Variants in SLC2A13 observed in about 807,000 individuals in gnomAD.
SLC2A13 encodes proton myo-inositol cotransporter.
SLC2A13 carries 32 observed loss-of-function variants against 64.4 expected under a neutral mutation model. That is an observed-to-expected ratio of 0.50 (90% CI 0.37 to 0.67). The LOEUF is 0.67. Among genes scored for constraint, SLC2A13 ranks in the 30% least tolerant of loss-of-function variants. SLC2A13 has a pLI of 0.00. For synonymous variants in SLC2A13, 338 were observed against 327.1 expected (o/e 1.03, Z -0.36); for missense variants, 743 against 829.2 (o/e 0.90, Z 1.28).
chr12:39,868,643 A>G (rs1318668802), intron 5 of SLC2A13, among the ~76,000 whole-genome samples: 1 of 152,190 alleles, frequency 6.6e-6, no homozygotes, highest in African/African-American at 2.4e-5. Flanking sequence ...ACCAAAATAC[A>G]TGAGGGGGGA....
At chr12:39,872,058 AAGG>A (rs1944070972) in intron 4 of SLC2A13, 97 bp from the exon 5 acceptor site, 5 of 1,027,642 alleles carry the variant, frequency 4.9e-6, no homozygotes, top group East Asian at 3.0e-5. Flanking sequence ...AAAAAAATAT[AAGG>A]AGAACTACAG....
chr12:39,890,630 C>A (rs913962963), intron 4 of SLC2A13, among the ~76,000 whole-genome samples: 3 of 151,756 alleles, frequency 2.0e-5, no homozygotes, highest in Non-Finnish European at 4.4e-5. Flanking sequence ...TTAAGGTTTT[C>A]TTTTATTTTT....
chr12:39,803,482 TAA>T (rs1941871691), intron 7 of SLC2A13, among the ~76,000 whole-genome samples: 1 of 151,868 alleles, frequency 6.6e-6, no homozygotes, highest in African/African-American at 2.4e-5. Flanking sequence ...TGTAAAAAAT[TAA>T]AAAATAGCTA....
intron 4 of SLC2A13, among the ~76,000 whole-genome samples, chr12:39,930,216 T>G (rs1057215461): frequency 2.6e-5 from 4 of 151,612 alleles, no homozygotes; most frequent in Admixed American, 6.6e-5. Context: ...CTGGTATAAC[T>G]GTATGAGCCA....
At chr12:40,054,299 A>C (rs1225742785) in intron 1 of SLC2A13, among the ~76,000 whole-genome samples, 1 of 152,146 alleles carries the variant, frequency 6.6e-6, no homozygotes, top group African/African-American at 2.4e-5. Context: ...AAATATTTAA[A>C]GTTCAGGAGA....
chr12:39,923,215 T>C (rs11174292), intron 4 of SLC2A13, among the ~76,000 whole-genome samples: 4 of 151,692 alleles, frequency 2.6e-5, no homozygotes, highest in African/African-American at 7.3e-5. Context: ...CTAATGATCA[T>C]TGCAGAATTA....
chr12:39,895,589 T>C (rs1944748811), intron 4 of SLC2A13, among the ~76,000 whole-genome samples: 1 of 146,804 alleles, frequency 6.8e-6, no homozygotes, highest in Admixed American at 6.8e-5. Context: ...TATGTGTATA[T>C]ATATGTGTAT....
In SLC2A13 at chr12:39,959,056, G is replaced by GA. The variant is rs1292997919; in HGVS notation, c.926-7692dup. On this transcript the variant is annotated intron_variant, in intron 3 of 9. Coordinates refer to ENST00000280871, the MANE Select transcript of SLC2A13 (RefSeq NM_052885.4). ...TAAGGAATAAAAGAAGGAAAGAAGA[G>GA]AAAAAAAGAGAAACACCAGAGCAAG... Among the ~76,000 whole-genome samples the GA allele has an allele frequency of 3.3e-5, 5 of 152,120 alleles. No homozygotes were observed. The South Asian group carries it at 1.0e-3, about 32-fold the overall frequency.
intron 7 of SLC2A13, among the ~76,000 whole-genome samples, chr12:39,775,380 G>A (rs1012078282): frequency 1.3e-5 from 2 of 152,192 alleles, no homozygotes; most frequent in African/African-American, 4.8e-5. Context: ...CAGGACATGA[G>A]GATGTGGATG....
At chr12:39,948,070 T>C (rs1165363899) in intron 4 of SLC2A13, among the ~76,000 whole-genome samples, 1 of 152,216 alleles carries the variant, frequency 6.6e-6, no homozygotes, top group African/African-American at 2.4e-5. Context: ...AGTGCAATGA[T>C]ACTAACACCC....
intron 7 of SLC2A13, among the ~76,000 whole-genome samples, chr12:39,775,993 T>C (rs1940760914): frequency 6.6e-6 from 1 of 152,212 alleles, no homozygotes; most frequent in East Asian, 1.9e-4. Context: ...GATTTTAGAT[T>C]TTTGGATCAG....
rs1273757477 is a variant in SLC2A13 at position 39,759,866 on chromosome 12, CATGG to C, written c.*156_*159del. 1 of 574,608 alleles carries C rather than the reference CATGG, an allele frequency of 1.7e-6. No individual in the cohort carries two copies. Among genetic ancestry groups the C allele is most frequent in the Admixed American group, 3.3e-5 (1 of 30,140 alleles). The allele number at this position is 574,608 out of a possible 1,614,324, so 35.6% of individuals were successfully genotyped here. ...GTTCCTTGTGGAAAAAAAAAGTCATCATGGTTGTATCTTCCTCCTAATCAAGTAT... is the reference window on the plus strand; with the variant it reads ...GTTCCTTGTGGAAAAAAAAAGTCATCTTGTATCTTCCTCCTAATCAAGTAT... On this transcript the variant is annotated 3_prime_UTR_variant, in exon 10 of 10. Transcript: ENST00000280871.
intron 7 of SLC2A13, among the ~76,000 whole-genome samples, chr12:39,801,821 T>C (rs1941802419): frequency 6.6e-6 from 1 of 152,132 alleles, no homozygotes; most frequent in Non-Finnish European, 1.5e-5. Context: ...CCCAGCATCT[T>C]ATGTTGAAGA....
At chr12:40,017,163 C>T (rs992491296) in intron 3 of SLC2A13, among the ~76,000 whole-genome samples, 3 of 152,268 alleles carry the variant, frequency 2.0e-5, no homozygotes, top group South Asian at 2.1e-4. Context: ...ACTCCTCTCA[C>T]GTAAACAGAA....
chr12:39,931,471 C>G (rs1908911), intron 4 of SLC2A13, among the ~76,000 whole-genome samples: 9,128 of 152,272 alleles, frequency 0.06, 452 homozygotes, highest in East Asian at 0.26. Context: ...CGTGGGCCTC[C>G]TGAGTATCTG....
intron 4 of SLC2A13, among the ~76,000 whole-genome samples, chr12:39,899,080 G>A (rs1945009778): frequency 2.0e-5 from 3 of 151,988 alleles, no homozygotes; most frequent in African/African-American, 7.3e-5. Flanking sequence ...TTGTACCTCT[G>A]GTAGAATTCG....
chr12:39,851,892 T>C (rs12296456), intron 6 of SLC2A13, among the ~76,000 whole-genome samples: 4,920 of 152,288 alleles, frequency 0.032, 247 homozygotes, highest in African/African-American at 0.11. Flanking sequence ...TGCTAAAATA[T>C]AAATAATAGG....
intron 3 of SLC2A13, among the ~76,000 whole-genome samples, chr12:40,008,538 G>C (rs896202029): frequency 2.0e-5 from 3 of 151,970 alleles, no homozygotes; most frequent in Non-Finnish European, 2.9e-5. Flanking sequence ...TTGAACCCAG[G>C]AGGCGGAGCT....
At chr12:39,837,751 C>T (rs1472959468) in intron 6 of SLC2A13, among the ~76,000 whole-genome samples, 2 of 152,216 alleles carry the variant, frequency 1.3e-5, no homozygotes, top group Non-Finnish European at 2.9e-5. Context: ...TGCTCATCAT[C>T]ACTGGCCATC....
Sources: allele counts gnomAD v4.1 joint callset (sites outside exome capture counted in the v4.1 genomes callset), GRCh38; gene constraint gnomAD v4.1.1; transcripts MANE v1.5; gene names NCBI Gene and HGNC (gene_info 2026-07-23, HGNC 2026-07-21).